FHIT: variants seen among roughly 807,000 people sequenced by gnomAD.
FHIT encodes the protein bis(5'-adenosyl)-triphosphatase.
Under a neutral mutation model 17.9 loss-of-function variants are expected in FHIT, and 19 were observed. The observed-to-expected ratio is 1.06, with a 90% CI of 0.74 to 1.56. The LOEUF is 1.56. Among genes scored for constraint, FHIT ranks in the 40% most tolerant of loss-of-function variants. The probability of loss-of-function intolerance (pLI) is 0.00; values close to 1 mark genes in which losing one functional copy is unlikely to be tolerated. For missense variants in FHIT, 248 were observed against 189.2 expected (o/e 1.31, Z -1.82); for synonymous variants, 81 against 69.7 (o/e 1.16, Z -0.81).
chr3:60,251,223 G>C (rs1268113389), intron 5 of FHIT, among the ~76,000 whole-genome samples: 3 of 152,148 alleles, frequency 2.0e-5, no homozygotes, highest in African/African-American at 7.2e-5. Flanking sequence ...TTAAGTATTA[G>C]GTCAATAGCA....
intron 4 of FHIT, among the ~76,000 whole-genome samples, chr3:60,633,960 T>C (rs1439701523): frequency 6.6e-6 from 1 of 152,214 alleles, no homozygotes; most frequent in Non-Finnish European, 1.5e-5. Flanking sequence ...GATTTCTTCA[T>C]GTTTCATTAG....
intron 4 of FHIT, among the ~76,000 whole-genome samples, chr3:60,553,155 A>G (rs2036616244): frequency 6.6e-6 from 1 of 152,148 alleles, no homozygotes; most frequent in African/African-American, 2.4e-5. Context: ...TGTAGACATC[A>G]TCTTTATTTC....
chr3:60,354,441 G>A (rs996529872), intron 5 of FHIT, among the ~76,000 whole-genome samples: 2 of 151,990 alleles, frequency 1.3e-5, no homozygotes, highest in Non-Finnish European at 2.9e-5. Context: ...ATCTCCTTAG[G>A]TTCTGATATA....
In FHIT at chr3:60,746,356, G is replaced by A. The variant is rs142290568; in HGVS notation, c.-18+75563C>T. 4.5e-3 allele frequency among the ~76,000 whole-genome samples: 690 copies of A among 152,328 alleles called. 1 individual carries two copies. Among genetic ancestry groups the A allele is most frequent in the Non-Finnish European group, 6.1e-3 (416 of 68,028 alleles). ...AATTGAAGGAGGTGGGGTGGGAAAC[G>A]TAACACTGGATGAACACATTTATTT... On this transcript the variant is annotated intron_variant, in intron 4 of 9. Coordinates refer to ENST00000492590, the MANE Select transcript of FHIT (RefSeq NM_002012.4).
intron 3 of FHIT, among the ~76,000 whole-genome samples, chr3:61,009,986 A>G (rs2031695106): frequency 6.6e-6 from 1 of 152,150 alleles, no homozygotes; most frequent in Non-Finnish European, 1.5e-5. Flanking sequence ...AGTGCAGAAG[A>G]TTTACATTAA....
chr3:60,011,227 A>T (rs1468912318), intron 7 of FHIT, 144 bp downstream of exon 7: 13 of 687,656 alleles, frequency 1.9e-5, no homozygotes, highest in Non-Finnish European at 3.1e-5. Context: ...TAATGTCAGG[A>T]TTTACGGCTC....
At chr3:60,026,021 G>A (rs71313738) in intron 5 of FHIT, among the ~76,000 whole-genome samples, 8,555 of 152,054 alleles carry the variant, frequency 0.056, 253 homozygotes, top group African/African-American at 0.072. Flanking sequence ...GCCTGTAAAG[G>A]GGGGGAAAGA....
At chr3:60,936,865 G>C (rs557985123) in intron 3 of FHIT, among the ~76,000 whole-genome samples, 30 of 152,134 alleles carry the variant, frequency 2.0e-4, no homozygotes, top group Non-Finnish European at 3.8e-4. Flanking sequence ...AAAAAGGAAA[G>C]GTTATTTTTC....
At chr3:59,791,616 G>A (rs923291033) in intron 8 of FHIT, among the ~76,000 whole-genome samples, 1 of 152,146 alleles carries the variant, frequency 6.6e-6, no homozygotes, top group African/African-American at 2.4e-5. Context: ...ATTTCTCTAT[G>A]TTGCAGTCTA....
At chr3:60,176,004 C>T (rs1486369520) in intron 5 of FHIT, among the ~76,000 whole-genome samples, 1 of 152,104 alleles carries the variant, frequency 6.6e-6, no homozygotes, top group Non-Finnish European at 1.5e-5. Flanking sequence ...GCTAATGTAG[C>T]TGAAAGACGA....
intron 8 of FHIT, among the ~76,000 whole-genome samples, chr3:59,769,547 T>C (rs1320300073): frequency 1.3e-5 from 2 of 152,212 alleles, no homozygotes; most frequent in Admixed American, 1.3e-4. Flanking sequence ...CGTATTACAT[T>C]TTTAATCAGT....
chr3:60,311,051 A>G (rs1708919931), intron 5 of FHIT, among the ~76,000 whole-genome samples: 1 of 152,128 alleles, frequency 6.6e-6, no homozygotes, highest in Non-Finnish European at 1.5e-5. Context: ...TATCCAGTCC[A>G]CTGTCTTCTG....
At chr3:60,409,438 A>G (rs1701987517) in intron 5 of FHIT, among the ~76,000 whole-genome samples, 1 of 152,244 alleles carries the variant, frequency 6.6e-6, no homozygotes, top group Admixed American at 6.5e-5. Context: ...AGAGCTGGCA[A>G]TGATCTATCG....
At chr3:60,477,978 G>T (rs2033429901) in intron 5 of FHIT, among the ~76,000 whole-genome samples, 1 of 152,176 alleles carries the variant, frequency 6.6e-6, no homozygotes, top group Non-Finnish European at 1.5e-5. Flanking sequence ...AGAGAAGCGT[G>T]GAGATTCTTT....
intron 5 of FHIT, among the ~76,000 whole-genome samples, chr3:60,259,239 C>T (rs957603763): frequency 1.3e-5 from 2 of 152,064 alleles, no homozygotes; most frequent in African/African-American, 4.8e-5. Flanking sequence ...CTTAAAATAT[C>T]TGAAAACTAA....
At chr3:60,078,874 A>T (rs751312882) in intron 5 of FHIT, among the ~76,000 whole-genome samples, 1 of 152,088 alleles carries the variant, frequency 6.6e-6, no homozygotes, top group Non-Finnish European at 1.5e-5. Flanking sequence ...GGAGGAGGGT[A>T]GAGGGATTCT....
intron 4 of FHIT, among the ~76,000 whole-genome samples, chr3:60,582,659 C>T (rs562436574): frequency 2.9e-4 from 44 of 151,966 alleles, no homozygotes; most frequent in African/African-American, 9.4e-4. Context: ...GAAGATACTG[C>T]CAAATTAAAG....
intron 5 of FHIT, among the ~76,000 whole-genome samples, chr3:60,419,507 T>G (rs1361616127): frequency 1.3e-5 from 2 of 152,200 alleles, no homozygotes; most frequent in Non-Finnish European, 2.9e-5. Context: ...CTTTTCACTC[T>G]GTTACAAATC....
Position 60,450,461 on chromosome 3 carries a change from T to C in FHIT, c.103+86399A>G, listed in dbSNP as rs1219217348. ...TATCCAGGTCCTGTATAGAACTGTA[T>C]AGAACTATGCAAGTGACAAAGCAGA... On this transcript the variant is annotated intron_variant, in intron 5 of 9. Transcript: ENST00000492590. Among the ~76,000 whole-genome samples, 4 of 152,156 alleles carry C rather than the reference T, an allele frequency of 2.6e-5. 1 individual carries two copies. Among genetic ancestry groups the C allele is most frequent in the Admixed American group, 6.6e-5 (1 of 15,266 alleles).
Sources: gnomAD v4.1 joint callset for allele counts (sites outside exome capture counted in the v4.1 genomes callset) on GRCh38, gnomAD v4.1.1 for gene constraint, MANE v1.5 for transcripts, NCBI Gene and HGNC (gene_info 2026-07-23, HGNC 2026-07-21) for gene names.